CACNB2: variants seen among roughly 807,000 people sequenced by gnomAD.
CACNB2 encodes the protein voltage-dependent L-type calcium channel subunit beta-2.
Under a neutral mutation model 73.3 loss-of-function variants are expected in CACNB2, and 42 were observed. That is an observed-to-expected ratio of 0.57 (90% confidence interval 0.45 to 0.74). CACNB2 has a LOEUF of 0.74. CACNB2 is among the 30% of genes least tolerant of loss of function. The pLI, the probability that CACNB2 is intolerant of heterozygous loss-of-function variation, is 0.00. For missense variants in CACNB2, 940 were observed against 853.0 expected, an observed-to-expected ratio of 1.10 and a Z score of -1.27; for synonymous variants, 348 against 310.3, an observed-to-expected ratio of 1.12 and a Z score of -1.28.
chr10:18,159,236 G>C (rs917016669), intron 2 of CACNB2, among the ~76,000 whole-genome samples: 1 of 152,112 alleles, frequency 6.6e-6, no homozygotes, highest in African/African-American at 2.4e-5. Flanking sequence ...TGTCATCTGA[G>C]CTTTCTACTC....
intron 2 of CACNB2, among the ~76,000 whole-genome samples, chr10:18,224,566 G>A (rs2035916272): frequency 1.3e-5 from 2 of 152,144 alleles, no homozygotes; most frequent in African/African-American, 4.8e-5. Context: ...TTTACCCCAA[G>A]TTAGTTAGCA....
At chr10:18,208,680 T>G (rs1433458035) in intron 2 of CACNB2, among the ~76,000 whole-genome samples, 2 of 152,014 alleles carry the variant, frequency 1.3e-5, no homozygotes, top group African/African-American at 4.8e-5. Flanking sequence ...TCCTTATTGC[T>G]TGTTCACCTT....
Position 18,297,554 on chromosome 10 carries a change from T to A in CACNB2, c.214-104370T>A, listed in dbSNP as rs11013413. On this transcript the variant is annotated intron_variant, in intron 2 of 13. Coordinates refer to ENST00000324631, the MANE Select transcript of CACNB2 (RefSeq NM_201596.3). ...GCCTGGATGACAGAGTGAGACCATG[T>A]CTTTAAAAAAAGAAAAGTTTCTCAC... Among the ~76,000 whole-genome samples, 963 of 152,230 alleles carry A rather than the reference T, an allele frequency of 6.3e-3. 15 individuals are homozygous for A. The East Asian group carries it at 0.064, about 10-fold the overall frequency.
chr10:18,204,429 C>G (rs902470923), intron 2 of CACNB2, among the ~76,000 whole-genome samples: 1 of 152,208 alleles, frequency 6.6e-6, no homozygotes, highest in African/African-American at 2.4e-5. Flanking sequence ...CCTTTGTTAA[C>G]CAGGCTATTT....
chr10:18,530,116 C>G (rs544407225), intron 10 of CACNB2, among the ~76,000 whole-genome samples: 68 of 152,204 alleles, frequency 4.5e-4, no homozygotes, highest in African/African-American at 1.6e-3. Context: ...TTCAATTACC[C>G]CCCACCAGGT....
chr10:18,291,181 CTG>C (rs1287585218), intron 2 of CACNB2, among the ~76,000 whole-genome samples: 2 of 152,208 alleles, frequency 1.3e-5, no homozygotes, highest in African/African-American at 4.8e-5. Flanking sequence ...TTTATTGAAA[CTG>C]AGCCCTGAAT....
chr10:18,230,742 A>G (rs766348508), intron 2 of CACNB2, among the ~76,000 whole-genome samples: 1 of 152,198 alleles, frequency 6.6e-6, no homozygotes, highest in Non-Finnish European at 1.5e-5. Context: ...CTCTTACTAA[A>G]TGGGGAGACG....
At chr10:18,382,103 A>G (rs1240846291) in intron 2 of CACNB2, among the ~76,000 whole-genome samples, 1 of 152,014 alleles carries the variant, frequency 6.6e-6, no homozygotes, top group Non-Finnish European at 1.5e-5. Context: ...TCTGATGTTC[A>G]TGTGTGTTTT....
At chr10:18,521,541 A>G (rs1005515198) in intron 9 of CACNB2, among the ~76,000 whole-genome samples, 2 of 152,168 alleles carry the variant, frequency 1.3e-5, no homozygotes, top group Non-Finnish European at 2.9e-5. Flanking sequence ...TCACTATTCA[A>G]CTTGCCTCAG....
intron 2 of CACNB2, among the ~76,000 whole-genome samples, chr10:18,217,974 C>G (rs1424180708): frequency 6.6e-6 from 1 of 152,124 alleles, no homozygotes; most frequent in Non-Finnish European, 1.5e-5. Flanking sequence ...CTAGGAAGAG[C>G]CCCTTGTGTC....
At chr10:18,464,418 T>TTAAAAAAAAAAAAAAAAAAAAC (rs1360690647) in intron 3 of CACNB2, among the ~76,000 whole-genome samples, 1 of 85,298 alleles carries the variant, frequency 1.2e-5, no homozygotes, top group Non-Finnish European at 2.3e-5. Context: ...TCTCAAAAAT[T>TTAAAAAAAAAAAAAAAAAAAAC]AAAAAAAAAA....
intron 2 of CACNB2, among the ~76,000 whole-genome samples, chr10:18,247,048 C>T (rs2036891937): frequency 6.6e-6 from 1 of 152,204 alleles, no homozygotes; most frequent in South Asian, 2.1e-4. Context: ...GCATAATCTG[C>T]TGGGGCCTTC....
chr10:18,292,183 T>G (rs1173424786), intron 2 of CACNB2, among the ~76,000 whole-genome samples: 1 of 152,256 alleles, frequency 6.6e-6, no homozygotes, highest in Non-Finnish European at 1.5e-5. Flanking sequence ...AATATGTGAT[T>G]TTCATTATTC....
intron 2 of CACNB2, among the ~76,000 whole-genome samples, chr10:18,212,682 C>T (rs2035365765): frequency 6.6e-6 from 1 of 152,034 alleles, no homozygotes; most frequent in Non-Finnish European, 1.5e-5. Context: ...ATTCCAGGGT[C>T]GTTTATAAAA....
Position 18,225,807 on chromosome 10 carries a change from G to A in CACNB2, c.213+74832G>A, listed in dbSNP as rs555817263. Among the ~76,000 whole-genome samples, 5 of 151,892 alleles carry A rather than the reference G, an allele frequency of 3.3e-5. No homozygotes were observed. In the South Asian group the frequency reaches 8.3e-4, roughly 25 times the overall value. On this transcript the variant is annotated intron_variant, in intron 2 of 13. Transcript: ENST00000324631. ...GATGTGCACCATCACACCTGGATAA[G>A]TTTTTAAATTTTTGTAGAAATGGGG... is the stretch of plus-strand genomic sequence containing the variant.
intron 2 of CACNB2, chr10:18,261,437 A>G (rs1188941905): frequency 3.0e-6 from 4 of 1,331,284 alleles, no homozygotes; most frequent in Non-Finnish European, 4.2e-6. Flanking sequence ...CAGACAGTCG[A>G]TCATTTCGTA....
At chr10:18,537,655 T>C (rs1387977647) in intron 12 of CACNB2, among the ~76,000 whole-genome samples, 1 of 151,942 alleles carries the variant, frequency 6.6e-6, no homozygotes, top group Non-Finnish European at 1.5e-5. Flanking sequence ...TAGGCACCTG[T>C]AACCCCAGCT....
chr10:18,495,008 G>C (rs1589539285), intron 3 of CACNB2, among the ~76,000 whole-genome samples: 1 of 152,098 alleles, frequency 6.6e-6, no homozygotes, highest in South Asian at 2.1e-4. Context: ...AAACAGTGTG[G>C]CCCATTTGGA....
rs545577678 is a variant in CACNB2, at chr10:18,390,338, G to A, written c.214-11586G>A. 4.0e-4 allele frequency among the ~76,000 whole-genome samples: 61 copies of A among 152,180 alleles called. No individual in the cohort carries two copies. In the South Asian group the frequency reaches 0.012, roughly 30 times the overall value. ...AGTGATTCTTCTGCCTCAGCCTCCCGAGTACCTGGGACTACAGGCACCCGC... is the reference window on the plus strand; with the variant it reads ...AGTGATTCTTCTGCCTCAGCCTCCCAAGTACCTGGGACTACAGGCACCCGC... On this transcript the variant is annotated intron_variant, in intron 2 of 13. Transcript: ENST00000324631.
Sources: gnomAD v4.1 joint callset for allele counts (sites outside exome capture counted in the v4.1 genomes callset) on GRCh38, gnomAD v4.1.1 for gene constraint, MANE v1.5 for transcripts, NCBI Gene and HGNC (gene_info 2026-07-23, HGNC 2026-07-21) for gene names.